DIP2C: variants seen among roughly 807,000 people sequenced by gnomAD.
The protein encoded by DIP2C is disco-interacting protein 2 homolog C.
Under a neutral mutation model 192.4 loss-of-function variants are expected in DIP2C, and 33 were observed. The observed-to-expected ratio is 0.17, with a 90% CI of 0.13 to 0.23. DIP2C has a LOEUF of 0.23. Ranked by LOEUF, DIP2C falls within the 10% of genes least tolerant of loss-of-function variation. The pLI, the probability that DIP2C is intolerant of heterozygous loss-of-function variation, is 1.00. For missense variants in DIP2C, 1,537 were observed against 2,110.1 expected, an observed-to-expected ratio of 0.73 and a Z score of 5.32; for synonymous variants, 979 against 864.1, an observed-to-expected ratio of 1.13 and a Z score of -2.33.
chr10:413,774 G>A (rs559009447), intron 8 of DIP2C, 139 bp downstream of exon 8: 4 of 1,059,644 alleles, frequency 3.8e-6, no homozygotes, highest in South Asian at 3.4e-5. Context: ...GAGTGGCTGC[G>A]CGAGGGCGTG....
intron 2 of DIP2C, chr10:484,967 A>C: frequency 6.3e-7 from 1 of 1,594,314 alleles, no homozygotes; most frequent in Non-Finnish European, 8.5e-7. Flanking sequence ...AGTTGAAAAA[A>C]AACTAATTAA....
chr10:422,875 C>A lies in DIP2C; in HGVS notation c.553G>T (p.Gly185Cys), dbSNP rs1475915459. 2 of 1,613,436 alleles carry A rather than the reference C, an allele frequency of 1.2e-6. No homozygotes were observed. The highest frequency in any genetic ancestry group is 2.2e-5 in the South Asian group (2 of 91,054). The change falls in exon 5 of 37, where the codon GGC (glycine) becomes TGC (cysteine). Residue 185 changes from glycine (G) to cysteine (C), a missense_variant. By Grantham distance (159) the Gly-to-Cys change is radical (BLOSUM62 -3). This residue lies in a region of DIP2C where 473 missense variants were observed against 539.6 expected (regional missense o/e 0.88). Coordinates refer to ENST00000280886, the MANE Select transcript of DIP2C (RefSeq NM_014974.3). ...GCCAGCCTGTGGGCAGCCCCGCTGCCCCCGCTCTGCGTAGAGGACGAGGAG... is the reference window on the plus strand; with the variant it reads ...GCCAGCCTGTGGGCAGCCCCGCTGCACCCGCTCTGCGTAGAGGACGAGGAG... ...TTSSSSTQSG[G>C]SGAAHRLADV...
chr10:650,818 T>G (rs1371620633), intron 1 of DIP2C: 1 of 700,564 alleles, frequency 1.4e-6, no homozygotes, highest in Non-Finnish European at 2.7e-6. Context: ...GGAACCCAGA[T>G]GTCCTCAGTT....
intron 10 of DIP2C, among the ~76,000 whole-genome samples, chr10:391,601 G>C (rs1053429266): frequency 3.3e-5 from 5 of 152,202 alleles, no homozygotes; most frequent in African/African-American, 1.2e-4. Flanking sequence ...CTCTCTCTAC[G>C]CCCACCAGCT....
At chr10:623,055 T>C (rs1303219510) in intron 1 of DIP2C, among the ~76,000 whole-genome samples, 1 of 152,256 alleles carries the variant, frequency 6.6e-6, no homozygotes, top group East Asian at 1.9e-4. Context: ...GTTGGAATAT[T>C]CAGTGCACAG....
chr10:545,479 G>C (rs1037118988), intron 1 of DIP2C, among the ~76,000 whole-genome samples: 1 of 152,064 alleles, frequency 6.6e-6, no homozygotes, highest in Non-Finnish European at 1.5e-5. Context: ...TTATAATAGA[G>C]AATTTAGACA....
At chr10:411,967 T>C (rs1317832026) in intron 8 of DIP2C, among the ~76,000 whole-genome samples, 1 of 152,212 alleles carries the variant, frequency 6.6e-6, no homozygotes, top group Non-Finnish European at 1.5e-5. Context: ...AAATGGATAA[T>C]TAAAATACAA....
chr10:456,403 G>A (rs1263602523), intron 3 of DIP2C, among the ~76,000 whole-genome samples: 1 of 146,170 alleles, frequency 6.8e-6, no homozygotes, highest in South Asian at 2.2e-4. Flanking sequence ...CCTGCCTGAG[G>A]GGAGGCTGTG....
intron 17 of DIP2C, among the ~76,000 whole-genome samples, chr10:382,287 G>C (rs1962440254): frequency 6.6e-6 from 1 of 152,156 alleles, no homozygotes; most frequent in Non-Finnish European, 1.5e-5. Flanking sequence ...AAGAAAAGCA[G>C]GCTGATGAAA....
chr10:473,829 G>GC (rs1970845753), intron 2 of DIP2C, among the ~76,000 whole-genome samples: 1 of 152,218 alleles, frequency 6.6e-6, no homozygotes, highest in Non-Finnish European at 1.5e-5. Context: ...TCCATGATGG[G>GC]CTCTTATGAG....
intron 4 of DIP2C, among the ~76,000 whole-genome samples, chr10:433,901 T>C (rs1387020289): frequency 6.6e-6 from 1 of 152,256 alleles, no homozygotes; most frequent in Middle Eastern, 3.4e-3. Context: ...TTTTGTCTTT[T>C]TTTTTCTTTC....
chr10:318,492 C>T (rs1956872053), intron 31 of DIP2C, among the ~76,000 whole-genome samples: 1 of 152,202 alleles, frequency 6.6e-6, no homozygotes, highest in South Asian at 2.1e-4. Context: ...GGTGTGGTGT[C>T]CTCACAAGAA....
At chr10:354,511 A>G (rs1412260536) in intron 24 of DIP2C, among the ~76,000 whole-genome samples, 1 of 152,098 alleles carries the variant, frequency 6.6e-6, no homozygotes, top group African/African-American at 2.4e-5. Context: ...TACCCAAATC[A>G]TGTCTGAATC....
chr10:329,687 C>G (rs942612860), intron 29 of DIP2C, 86 bp from the exon 30 acceptor site: 18 of 1,488,588 alleles, frequency 1.2e-5, no homozygotes, highest in African/African-American at 1.1e-4. Context: ...AGCACTGACT[C>G]CAAGGAAAAG....
chr10:651,605 T>C lies in DIP2C; in HGVS notation c.85+37889A>G. The C allele has an allele frequency of 2.7e-6, 1 of 367,008 alleles. No individual in the cohort carries two copies. The highest frequency in any genetic ancestry group is 5.3e-6 in the Non-Finnish European group (1 of 188,616). 22.7% of individuals were successfully genotyped at this position (367,008 alleles called of 1,614,324 possible). On this transcript the variant is annotated intron_variant, in intron 1 of 36. Transcript: ENST00000280886. The surrounding 1 kb of genome is among the most constrained non-coding windows in gnomAD (Gnocchi z 4.1). ...TTTCCCCCAAAAGGTGCATCTTTTA[T>C]AAAACAAGAACGCAAGGCTCTGAGG...
At chr10:512,739 C>T (rs939878582) in intron 1 of DIP2C, among the ~76,000 whole-genome samples, 1 of 151,870 alleles carries the variant, frequency 6.6e-6, no homozygotes, top group East Asian at 1.9e-4. Flanking sequence ...TATGGCAAAA[C>T]CCCATCTCTA....
intron 1 of DIP2C, among the ~76,000 whole-genome samples, chr10:627,719 C>T (rs979274130): frequency 1.3e-5 from 2 of 152,268 alleles, no homozygotes; most frequent in South Asian, 2.1e-4. Flanking sequence ...GGGCCGTGCA[C>T]GCAAGAGCGA....
intron 3 of DIP2C, among the ~76,000 whole-genome samples, chr10:450,997 G>T (rs1392464094): frequency 6.6e-6 from 1 of 152,132 alleles, no homozygotes; most frequent in Non-Finnish European, 1.5e-5. Flanking sequence ...CTCAATAACG[G>T]CATCGTCTAA....
At chr10:420,671 T>C (rs1966123668) in intron 5 of DIP2C, among the ~76,000 whole-genome samples, 1 of 152,250 alleles carries the variant, frequency 6.6e-6, no homozygotes, top group African/African-American at 2.4e-5. Flanking sequence ...TTGGCTTGAC[T>C]CTTAAGATAC....
Sources: allele counts gnomAD v4.1 joint callset (sites outside exome capture counted in the v4.1 genomes callset), GRCh38; gene constraint gnomAD v4.1.1; regional missense constraint gnomAD v4.1.1; non-coding constraint Gnocchi (gnomAD v3.1); transcripts MANE v1.5; gene names NCBI Gene and HGNC (gene_info 2026-07-23, HGNC 2026-07-21).